The following FSTL5 variants were observed in gnomAD, a reference collection of about 807,000 sequenced individuals.
FSTL5 encodes follistatin-related protein 5.
FSTL5 carries 62 observed loss-of-function variants against 89.1 expected under a neutral mutation model. The ratio of observed to expected loss-of-function variants is 0.70; its 90% CI spans 0.57 to 0.86. The LOEUF (loss-of-function observed/expected upper bound fraction) is 0.86, where lower values mean the gene tolerates loss of function less well. FSTL5 is among the 40% of genes least tolerant of loss of function. The probability of loss-of-function intolerance (pLI) is 0.00; values close to 1 mark genes in which losing one functional copy is unlikely to be tolerated. For missense variants in FSTL5, 1,057 were observed against 1,001.6 expected, an observed-to-expected ratio of 1.06 and a Z score of -0.75; for synonymous variants, 383 against 346.2, an observed-to-expected ratio of 1.11 and a Z score of -1.18.
chr4:161,964,544 T>C (rs1735270285), intron 3 of FSTL5, among the ~76,000 whole-genome samples: 1 of 152,020 alleles, frequency 6.6e-6, no homozygotes, highest in African/African-American at 2.4e-5. Context: ...TTTTTTAATA[T>C]AGCGGAGTGG....
At chr4:161,490,036 A>T (rs1729809414) in intron 12 of FSTL5, among the ~76,000 whole-genome samples, 1 of 152,116 alleles carries the variant, frequency 6.6e-6, no homozygotes, top group Non-Finnish European at 1.5e-5. Flanking sequence ...ATAAGTGGAA[A>T]ACAGAGACAT....
intron 4 of FSTL5, among the ~76,000 whole-genome samples, chr4:161,861,283 C>T (rs1296539067): frequency 6.6e-6 from 1 of 151,960 alleles, no homozygotes; most frequent in Admixed American, 6.6e-5. Flanking sequence ...AATAGCAGGC[C>T]ATGGTGGTGC....
chr4:161,743,724 A>C (rs1484388890), intron 6 of FSTL5, among the ~76,000 whole-genome samples: 1 of 152,188 alleles, frequency 6.6e-6, no homozygotes, highest in East Asian at 1.9e-4. Flanking sequence ...AATGCTTACA[A>C]ATAAAAAATT....
At chr4:161,495,891 G>A (rs574561395) in intron 12 of FSTL5, among the ~76,000 whole-genome samples, 8 of 152,094 alleles carry the variant, frequency 5.3e-5, no homozygotes, top group African/African-American at 7.2e-5. Context: ...ACACATTAGC[G>A]TTTTTTCTGT....
At position 161,463,797 on chromosome 4, in the gene FSTL5, G is replaced by T. The variant is rs76078474; in HGVS notation, c.1609-4478C>A. Among the ~76,000 whole-genome samples, 552 of 152,260 alleles carry T rather than the reference G, an allele frequency of 3.6e-3. 3 individuals carry two copies. Among genetic ancestry groups the T allele is most frequent in the African/African-American group, 0.012 (499 of 41,556 alleles). On this transcript the variant is annotated intron_variant, in intron 13 of 15. Coordinates refer to ENST00000306100, the MANE Select transcript of FSTL5 (RefSeq NM_020116.5). ...CATGTTATGCAAAGGATTACAAAGA[G>T]TCTGTCATCCTTGACTGCCGTCTTC...
At chr4:161,852,932 G>A (rs1365017005) in intron 4 of FSTL5, among the ~76,000 whole-genome samples, 2 of 152,060 alleles carry the variant, frequency 1.3e-5, no homozygotes, top group South Asian at 2.1e-4. Context: ...AGCAAACCAC[G>A]ATGGCACACA....
intron 7 of FSTL5, among the ~76,000 whole-genome samples, chr4:161,634,443 T>C (rs573143241): frequency 6.6e-6 from 1 of 152,314 alleles, no homozygotes; most frequent in Admixed American, 6.5e-5. Flanking sequence ...GCACCTTCAA[T>C]GTTTATTACA....
chr4:161,390,133 C>T (rs1256112470), intron 15 of FSTL5, among the ~76,000 whole-genome samples: 1 of 152,122 alleles, frequency 6.6e-6, no homozygotes, highest in African/African-American at 2.4e-5. Context: ...CACTCTACCT[C>T]CACCTTCACT....
intron 1 of FSTL5, among the ~76,000 whole-genome samples, chr4:162,112,307 A>T (rs533117132): frequency 6.6e-6 from 1 of 152,218 alleles, no homozygotes; most frequent in Non-Finnish European, 1.5e-5. Flanking sequence ...ACAGGGTCTC[A>T]CTTTGTTATG....
At chr4:161,977,608 G>A (rs1409820714) in intron 3 of FSTL5, among the ~76,000 whole-genome samples, 5 of 65,220 alleles carry the variant, frequency 7.7e-5, no homozygotes, top group East Asian at 9.2e-4. Flanking sequence ...GCGAGACTCC[G>A]TGTCAAAAAA....
intron 1 of FSTL5, among the ~76,000 whole-genome samples, chr4:162,163,077 T>G (rs752325329): frequency 1.3e-5 from 2 of 152,162 alleles, no homozygotes; most frequent in Non-Finnish European, 2.9e-5. Flanking sequence ...CAGCATGATG[T>G]AAATGTTTCT....
chr4:161,454,992 C>A lies in FSTL5; in HGVS notation c.1841+12G>T. ...AATCTTTAAAAAGTTGATCACTCAACTTAGCACTTACCTCATATGGGTGAT... is the reference window on the plus strand; with the variant it reads ...AATCTTTAAAAAGTTGATCACTCAAATTAGCACTTACCTCATATGGGTGAT... On this transcript the variant is annotated intron_variant, in intron 15 of 15. Coordinates refer to ENST00000306100, the MANE Select transcript of FSTL5 (RefSeq NM_020116.5). 1 of 1,612,174 alleles carries A rather than the reference C, an allele frequency of 6.2e-7. No homozygotes were observed. Among genetic ancestry groups the A allele is most frequent in the Non-Finnish European group, 8.5e-7 (1 of 1,178,802 alleles).
chr4:161,592,615 A>G (rs924839378), intron 7 of FSTL5, among the ~76,000 whole-genome samples: 2 of 152,102 alleles, frequency 1.3e-5, no homozygotes, highest in African/African-American at 2.4e-5. Flanking sequence ...ATCCTTTTCT[A>G]TGGCTGCATA....
rs534036340 is a variant in FSTL5 at position 162,040,482 on chromosome 4, T to A, written c.127-6824A>T. On this transcript the variant is annotated intron_variant, in intron 2 of 15. Transcript: ENST00000306100. The stretch of plus-strand genomic sequence containing the variant: ...GGTTCACACACACGTGCACACACTT[T>A]ATCAAAAACAACTATTTTGGCGGTG... 2.6e-3 allele frequency among the ~76,000 whole-genome samples: 402 copies of A among 152,050 alleles called. 1 individual carries two copies. Among genetic ancestry groups the A allele is most frequent in the Non-Finnish European group, 4.2e-3 (286 of 67,930 alleles).
intron 6 of FSTL5, among the ~76,000 whole-genome samples, chr4:161,729,796 C>T (rs755889346): frequency 6.6e-5 from 10 of 152,114 alleles, no homozygotes; most frequent in Non-Finnish European, 1.3e-4. Context: ...TAAAACTGAA[C>T]TCAATTCAGG....
chr4:161,683,893 C>G (rs1737612531), intron 6 of FSTL5, among the ~76,000 whole-genome samples: 1 of 152,148 alleles, frequency 6.6e-6, no homozygotes, highest in Non-Finnish European at 1.5e-5. Context: ...TATCCCTCAC[C>G]TCCTTCCCAG....
intron 15 of FSTL5, 28 bp from the exon 16 acceptor site, chr4:161,386,477 C>G (rs540729252): frequency 9.9e-6 from 15 of 1,513,688 alleles, no homozygotes; most frequent in Non-Finnish European, 1.2e-5. Context: ...CAGAGTTAGA[C>G]AGGAAGCAAT....
rs28813736 is a variant in FSTL5 at position 161,685,347 on chromosome 4, G to A, written c.728-28853C>T. On this transcript the variant is annotated intron_variant, in intron 6 of 15. Transcript: ENST00000306100. Reference sequence around the variant, plus strand: ...GTAGATTGCTTTTGGCAGTATGGTCGTTTTCACAGTATTGATTCTACCCAT... The same window carrying A: ...GTAGATTGCTTTTGGCAGTATGGTCATTTTCACAGTATTGATTCTACCCAT... 7.9e-3 allele frequency among the ~76,000 whole-genome samples: 1,200 copies of A among 152,086 alleles called. 16 individuals carry two copies. Among genetic ancestry groups the A allele is most frequent in the African/African-American group, 0.027 (1,112 of 41,480 alleles).
chr4:161,447,555 T>C (rs1171827017), intron 15 of FSTL5, among the ~76,000 whole-genome samples: 2 of 152,038 alleles, frequency 1.3e-5, no homozygotes, highest in African/African-American at 2.4e-5. Context: ...CAAGAAATAA[T>C]AAAGGTAACA....
Sources: allele counts gnomAD v4.1 joint callset (sites outside exome capture counted in the v4.1 genomes callset), GRCh38; gene constraint gnomAD v4.1.1; transcripts MANE v1.5; gene names NCBI Gene and HGNC (gene_info 2026-07-23, HGNC 2026-07-21).